Variants in DNM3 observed in about 807,000 individuals in gnomAD.
DNM3 encodes the protein dynamin 3, also known as dynamin-3.
A neutral mutation model predicts 101.6 loss-of-function variants in DNM3; 47 were observed. The ratio of observed to expected loss-of-function variants is 0.46; its 90% confidence interval spans 0.37 to 0.59. The LOEUF is 0.59. Among genes scored for constraint, DNM3 ranks in the 20% least tolerant of loss-of-function variants. DNM3 has a pLI of 0.00. For synonymous variants in DNM3, 385 were observed against 387.9 expected (o/e 0.99, Z 0.09); for missense variants, 849 against 1,085.7 (o/e 0.78, Z 3.06).
chr1:172,029,437 A>G (rs565782814), intron 4 of DNM3, among the ~76,000 whole-genome samples: 1 of 152,192 alleles, frequency 6.6e-6, no homozygotes, highest in African/African-American at 2.4e-5. Context: ...TGACAAACCC[A>G]CAGCCAATGT....
chr1:172,359,941 T>A (rs986266910), intron 17 of DNM3, among the ~76,000 whole-genome samples: 1 of 151,998 alleles, frequency 6.6e-6, no homozygotes, highest in Non-Finnish European at 1.5e-5. Flanking sequence ...TTGCCCTATT[T>A]TCCATTAAAA....
intron 10 of DNM3, among the ~76,000 whole-genome samples, chr1:172,064,671 T>C (rs561245121): frequency 6.6e-6 from 1 of 152,202 alleles, no homozygotes; most frequent in East Asian, 1.9e-4. Context: ...GGACTATTTA[T>C]ATATATTTAT....
chr1:172,129,191 C>T (rs2056801386), intron 13 of DNM3, among the ~76,000 whole-genome samples: 1 of 152,118 alleles, frequency 6.6e-6, no homozygotes. Context: ...AATAATTTAA[C>T]CAGCTCCTTC....
chr1:171,881,368 G>A (rs2036252984), intron 1 of DNM3, among the ~76,000 whole-genome samples: 2 of 152,036 alleles, frequency 1.3e-5, no homozygotes, highest in South Asian at 4.1e-4. Flanking sequence ...CCTTCTTTCA[G>A]GAAATTAAAA....
chr1:172,319,607 T>C (rs1164200084), intron 16 of DNM3, among the ~76,000 whole-genome samples: 3 of 152,200 alleles, frequency 2.0e-5, no homozygotes, highest in East Asian at 1.9e-4. Context: ...AAGACATTTA[T>C]GCAGCCAAAA....
intron 20 of DNM3, among the ~76,000 whole-genome samples, chr1:172,392,838 T>G (rs2069641926): frequency 6.6e-6 from 1 of 152,168 alleles, no homozygotes; most frequent in Non-Finnish European, 1.5e-5. Context: ...TATGATGGTT[T>G]CTCTTTAAAA....
chr1:172,290,038 T>G, intron 15 of DNM3: 1 of 921,716 alleles, frequency 1.1e-6, no homozygotes, highest in Non-Finnish European at 1.3e-6. Flanking sequence ...CTTTGTGTCA[T>G]TAATTTATTG....
intron 15 of DNM3, among the ~76,000 whole-genome samples, chr1:172,307,029 G>A (rs2064853000): frequency 6.6e-6 from 1 of 152,112 alleles, no homozygotes; most frequent in Non-Finnish European, 1.5e-5. Flanking sequence ...TGACAAATGG[G>A]ATCTAATTAA....
At chr1:172,234,074 T>A (rs1431660064) in intron 14 of DNM3, among the ~76,000 whole-genome samples, 2 of 152,126 alleles carry the variant, frequency 1.3e-5, no homozygotes, top group East Asian at 3.9e-4. Context: ...TAAAGGGTAT[T>A]CAATTAGGAA....
chr1:172,262,366 G>A (rs1413125565), intron 15 of DNM3, among the ~76,000 whole-genome samples: 1 of 152,156 alleles, frequency 6.6e-6, no homozygotes, highest in African/African-American at 2.4e-5. Flanking sequence ...TTGGTGGGGT[G>A]GGGGCTGTGC....
chr1:172,122,143 A>G (rs1171029595), intron 13 of DNM3, among the ~76,000 whole-genome samples: 1 of 152,236 alleles, frequency 6.6e-6, no homozygotes, highest in Non-Finnish European at 1.5e-5. Flanking sequence ...CATGAGTATT[A>G]TAGGAAAATA....
At chr1:172,261,484 G>A (rs2062644502) in intron 15 of DNM3, among the ~76,000 whole-genome samples, 1 of 152,194 alleles carries the variant, frequency 6.6e-6, no homozygotes, top group Admixed American at 6.5e-5. Context: ...AACACTAGGT[G>A]GGCTAGTCTT....
intron 14 of DNM3, chr1:172,139,008 C>G: frequency 2.2e-6 from 1 of 446,622 alleles, no homozygotes; most frequent in South Asian, 1.6e-5. Flanking sequence ...GAAAAATACA[C>G]AATATAATTA....
rs1173735623 is a variant in DNM3, at chr1:171,901,124, AAAAAAAAG to A, written c.162-20620_162-20613del. ...CGAGACTCTGTCTCAAAAAAAAAAA[AAAAAAAAG>A]AAAGAAATCTATGAAGTTCAGCACC... On this transcript the variant is annotated intron_variant, in intron 1 of 20. Transcript: ENST00000627582. Among the ~76,000 whole-genome samples, 16 of 149,322 alleles carry A rather than the reference AAAAAAAAG, an allele frequency of 1.1e-4. 1 individual carries two copies. The highest frequency in any genetic ancestry group is 5.9e-4 in the East Asian group (3 of 5,072).
chr1:172,366,462 C>T (rs1412143885), intron 17 of DNM3: 1 of 151,798 alleles, frequency 6.6e-6, no homozygotes, highest in Non-Finnish European at 1.5e-5. Flanking sequence ...TATTCATGAG[C>T]AATCAAATGG....
In DNM3 at chr1:172,323,321, A is replaced by T. The variant is rs773515673; in HGVS notation, c.1882-8A>T. On this transcript the variant is annotated splice_polypyrimidine_tract_variant and splice_region_variant and intron_variant, in intron 16 of 20. Coordinates refer to ENST00000627582, the MANE Select transcript of DNM3 (RefSeq NM_015569.5). ...TTCTCTTTCTTTTCCTTGCGGCTACATGCATAGGGGAACAACAAAGTAAGT... is the reference window on the plus strand; with the variant it reads ...TTCTCTTTCTTTTCCTTGCGGCTACTTGCATAGGGGAACAACAAAGTAAGT... 2 of 1,603,316 alleles carry T rather than the reference A, an allele frequency of 1.2e-6. No individual in the cohort carries two copies. The highest frequency in any genetic ancestry group is 4.5e-5 in the East Asian group (2 of 44,656).
At chr1:171,894,289 G>C (rs2037563723) in intron 1 of DNM3, among the ~76,000 whole-genome samples, 1 of 152,208 alleles carries the variant, frequency 6.6e-6, no homozygotes, top group Non-Finnish European at 1.5e-5. Context: ...TCCTCCCACT[G>C]TCCTTGAGCA....
chr1:172,044,363 A>G (rs1558475500), intron 8 of DNM3, 22 bp from the exon 9 acceptor site: 11 of 1,593,896 alleles, frequency 6.9e-6, no homozygotes, highest in South Asian at 5.7e-5. Flanking sequence ...TGTCATAACT[A>G]TGGCTCATTT....
At chr1:171,904,239 T>A (rs551334698) in intron 1 of DNM3, among the ~76,000 whole-genome samples, 1 of 151,754 alleles carries the variant, frequency 6.6e-6, no homozygotes, top group Non-Finnish European at 1.5e-5. Flanking sequence ...GCCCAGGAGA[T>A]AGAGGTTGCA....
Sources: gnomAD v4.1 joint callset for allele counts (sites outside exome capture counted in the v4.1 genomes callset) on GRCh38, gnomAD v4.1.1 for gene constraint, MANE v1.5 for transcripts, NCBI Gene and HGNC (gene_info 2026-07-23, HGNC 2026-07-21) for gene names.